UGGT1: variants seen among roughly 807,000 people sequenced by gnomAD.
UGGT1 encodes the protein UDP-glucose glycoprotein glucosyltransferase 1, also known as UDP-glucose:glycoprotein glucosyltransferase 1.
Under a neutral mutation model 203.9 loss-of-function variants are expected in UGGT1, and 107 were observed. That is an observed-to-expected ratio of 0.52 (90% CI 0.45 to 0.62). The LOEUF (loss-of-function observed/expected upper bound fraction) is 0.62, where lower values mean the gene tolerates loss of function less well. Ranked by LOEUF, UGGT1 falls within the 20% of genes least tolerant of loss-of-function variation. UGGT1 has a pLI of 0.00. For synonymous variants in UGGT1, 628 were observed against 653.5 expected (o/e 0.96, Z 0.59); for missense variants, 1,673 against 1,867.2 (o/e 0.90, Z 1.92).
Position 128,183,743 on chromosome 2 carries a change from A to T in UGGT1, c.4313A>T (p.Tyr1438Phe), listed in dbSNP as rs1691827751. ...IAAGDRLRGQ[Y>F]QGLSQDPNSL... ...GCTGGTGACAGACTCAGGGGACAGT[A>T]CCAAGGTCTGAGTCAGGACCCTAAC... The change falls in exon 38 of 41, where the codon TAC (tyrosine) becomes TTC (phenylalanine). Residue 1438 changes from tyrosine to phenylalanine, a missense_variant. By Grantham distance (22) the Tyr-to-Phe change is conservative. Coordinates refer to ENST00000259253, the MANE Select transcript of UGGT1 (RefSeq NM_020120.4). The T allele has an allele frequency of 1.2e-6, 2 of 1,614,018 alleles. No individual in the cohort carries two copies. Among genetic ancestry groups the T allele is most frequent in the Admixed American group, 3.3e-5 (2 of 59,994 alleles).
chr2:128,129,043 T>G lies in UGGT1; in HGVS notation c.1241T>G (p.Leu414Trp), dbSNP rs925325677. Residue 414 changes from leucine (L) to tryptophan (W), a missense_variant, in exon 13 of 41, where the codon TTG becomes TGG. Transcript: ENST00000259253. ...TTTCCCCCCAGTCTGTTTGATGTGT[T>G]GAGGAATGAAGCTCGGGTAATGGAG... The part of the protein sequence containing the change: ...TQDIFSLFDV[L>W]RNEARVMEGL... The G allele has an allele frequency of 1.2e-6, 2 of 1,608,376 alleles. No individual in the cohort carries two copies. Among genetic ancestry groups the G allele is most frequent in the Middle Eastern group, 1.7e-4 (1 of 6,040 alleles).
Position 128,160,400 on chromosome 2 carries a change from T to C in UGGT1, c.2563-60T>C, listed in dbSNP as rs557364177. The stretch of plus-strand genomic sequence containing the variant: ...TTTTATGGTTTATTCACTGTGTTTA[T>C]TTGTTTATATGGTTTGCTTAGTAAC... On this transcript the variant is annotated intron_variant, in intron 23 of 40. Transcript: ENST00000259253. The C allele has an allele frequency of 7.3e-5, 109 of 1,501,996 alleles. No individual in the cohort carries two copies. In the African/African-American group the frequency reaches 1.4e-3, roughly 20 times the overall value. The allele number at this position is 1,501,996 out of a possible 1,614,324, so 93.0% of individuals were successfully genotyped here.
At chr2:128,145,603 T>G in intron 17 of UGGT1, 200 bp from the exon 18 acceptor site, 2 of 532,466 alleles carry the variant, frequency 3.8e-6, no homozygotes, top group South Asian at 7.2e-5. Context: ...AACTCAGTAA[T>G]TCAATCTCAG....
intron 33 of UGGT1, 117 bp downstream of exon 33, chr2:128,178,037 A>G: frequency 6.0e-6 from 5 of 833,554 alleles, no homozygotes; most frequent in Non-Finnish European, 7.4e-6. Context: ...TACTTTGTGC[A>G]GCTACATCTC....
chr2:128,180,820 G>A, intron 35 of UGGT1, 70 bp from the exon 36 acceptor site: 1 of 1,487,150 alleles, frequency 6.7e-7, no homozygotes, highest in South Asian at 1.3e-5. Flanking sequence ...ATGGTGGTTG[G>A]CTTACATTAT....
chr2:128,180,991 C>T lies in UGGT1; in HGVS notation c.4002C>T (p.Ile1334=). 1.2e-6 allele frequency: 2 copies of T among 1,614,188 alleles called. No homozygotes were observed. Among genetic ancestry groups the T allele is most frequent in the Non-Finnish European group, 1.7e-6 (2 of 1,180,022 alleles). Reference sequence around the variant, plus strand: ...ATCAACAAACTGAAAAACAGCGTATCATCTGGGGTTACAAGATCCTCTTCC... The same window carrying T: ...ATCAACAAACTGAAAAACAGCGTATTATCTGGGGTTACAAGATCCTCTTCC... The part of the protein sequence containing the change: ...WLHQQTEKQR[I]IWGYKILFLD... Residue 1334 remains isoleucine, a synonymous_variant, in exon 36 of 41, where the codon ATC becomes ATT. Transcript: ENST00000259253.
chr2:128,112,484 C>CTAT (rs1687916949), intron 5 of UGGT1, among the ~76,000 whole-genome samples: 1 of 54,876 alleles, frequency 1.8e-5, no homozygotes, highest in African/African-American at 5.0e-5. Flanking sequence ...TACATACATA[C>CTAT]ATACTCAAGT....
chr2:128,168,071 C>T (rs1278328675), intron 26 of UGGT1, among the ~76,000 whole-genome samples: 1 of 152,138 alleles, frequency 6.6e-6, no homozygotes, highest in African/African-American at 2.4e-5. Context: ...TCTAGAATAG[C>T]AGAGAGGTGC....
At chr2:128,173,753 A>T (rs1345059852) in intron 29 of UGGT1, 28 bp from the exon 30 acceptor site, 3 of 1,612,016 alleles carry the variant, frequency 1.9e-6, no homozygotes, top group Non-Finnish European at 2.5e-6. Flanking sequence ...CTCTGAGTGC[A>T]TTCAAGTGAT....
At chr2:128,176,407 CAAAAAAAAAAA>C (rs757833629) in intron 31 of UGGT1, among the ~76,000 whole-genome samples, 24 of 70,224 alleles carry the variant, frequency 3.4e-4, no homozygotes, top group African/African-American at 1.3e-3. Context: ...AACTCTGTCT[CAAAAAAAAAAA>C]AAAAAAAAAA....
At chr2:128,138,892 C>A (rs1280858369) in intron 16 of UGGT1, 40 bp downstream of exon 16, 1 of 1,610,468 alleles carries the variant, frequency 6.2e-7, no homozygotes, top group African/African-American at 1.3e-5. Flanking sequence ...TTTTTCAGAT[C>A]TAACTTACTC....
chr2:128,189,610 A>C (rs1316489462), intron 40 of UGGT1, 107 bp from the exon 41 acceptor site: 2 of 1,101,916 alleles, frequency 1.8e-6, no homozygotes, highest in Non-Finnish European at 2.7e-6. Flanking sequence ...GATAAGATGA[A>C]GGTGGAGGTA....
rs1314743797 is a variant in UGGT1 at position 128,194,857 on chromosome 2, A to G, written c.*5115A>G. On this transcript the variant is annotated 3_prime_UTR_variant, in exon 41 of 41. Transcript: ENST00000259253. Reference sequence around the variant, plus strand: ...CTAGAGGATACAGATTTCTCATTTCATTCTTTGGTCTTTCATTTCTCTATA... The same window carrying G: ...CTAGAGGATACAGATTTCTCATTTCGTTCTTTGGTCTTTCATTTCTCTATA... The G allele has an allele frequency of 1.3e-5, 2 of 152,168 alleles. No homozygotes were observed. The highest frequency in any genetic ancestry group is 4.8e-5 in the African/African-American group (2 of 41,422). 9.4% of individuals were successfully genotyped at this position (152,168 alleles called of 1,614,324 possible). A position where few individuals can be genotyped will look rare whatever the true frequency, so the allele number is the denominator to read the frequency against.
intron 37 of UGGT1, among the ~76,000 whole-genome samples, chr2:128,183,054 A>T (rs1194326567): frequency 6.6e-6 from 1 of 152,182 alleles, no homozygotes; most frequent in Non-Finnish European, 1.5e-5. Context: ...TGCAATGAAT[A>T]ATCTACTAAA....
rs1688464616 is a variant in UGGT1 at position 128,123,229 on chromosome 2, G to T, written c.1117G>T (p.Val373Leu). 6.2e-7 allele frequency: 1 copy of T among 1,613,400 alleles called. No homozygotes were observed. The highest frequency in any genetic ancestry group is 1.7e-5 in the Admixed American group (1 of 59,966). The change falls in exon 11 of 41, where the codon GTG (valine) becomes TTG (leucine). Residue 373 changes from valine (V) to leucine (L), a missense_variant. Val to Leu is a conservative substitution (Grantham distance 32, BLOSUM62 1). Transcript: ENST00000259253. ...TAVSSELRTE[V>L]EENQKYFKGT... ...TGTGAGCTCAGAACTTAGAACCGAA[G>T]TGGAAGAGAATCAGAAGGTATTCAC...
chr2:128,149,529 A>G (rs1351666198), intron 18 of UGGT1, among the ~76,000 whole-genome samples: 4 of 150,798 alleles, frequency 2.7e-5, no homozygotes, highest in Non-Finnish European at 4.4e-5. Flanking sequence ...CACTTGGGAA[A>G]CCGAGGTGGG....
At chr2:128,174,143 C>T (rs1325666475) in intron 30 of UGGT1, among the ~76,000 whole-genome samples, 1 of 152,084 alleles carries the variant, frequency 6.6e-6, no homozygotes, top group East Asian at 1.9e-4. Context: ...CTGGAATACT[C>T]AGCTATAACT....
Position 128,143,017 on chromosome 2 carries a change from T to C in UGGT1, c.1720-77T>C, listed in dbSNP as rs1689514064. Reference sequence around the variant, plus strand: ...AAAAATAAGTATATTTTCCTCTAAATTCAGAAAAATGTGGAATAAACACTT... The same window carrying C: ...AAAAATAAGTATATTTTCCTCTAAACTCAGAAAAATGTGGAATAAACACTT... On this transcript the variant is annotated intron_variant, in intron 16 of 40. Coordinates refer to ENST00000259253, the MANE Select transcript of UGGT1 (RefSeq NM_020120.4). 2.2e-6 allele frequency: 3 copies of C among 1,393,042 alleles called. No homozygotes were observed. In the South Asian group the frequency reaches 4.8e-5, roughly 22 times the overall value. The allele number at this position is 1,393,042 out of a possible 1,614,324, so 86.3% of individuals were successfully genotyped here.
At chr2:128,184,550 G>A (rs984911697) in intron 38 of UGGT1, among the ~76,000 whole-genome samples, 1 of 152,084 alleles carries the variant, frequency 6.6e-6, no homozygotes, top group African/African-American at 2.4e-5. Context: ...CTAGCATCAC[G>A]ACTTTTATGG....
Sources: allele counts gnomAD v4.1 joint callset (sites outside exome capture counted in the v4.1 genomes callset), GRCh38; gene constraint gnomAD v4.1.1; transcripts MANE v1.5; gene names NCBI Gene and HGNC (gene_info 2026-07-23, HGNC 2026-07-21).